The following ATG7 variants were observed in gnomAD, a reference collection of about 807,000 sequenced individuals.
ATG7 encodes autophagy related 7.
Under a neutral mutation model 82.4 loss-of-function variants are expected in ATG7, and 70 were observed. The observed-to-expected ratio is 0.85, with a 90% CI of 0.70 to 1.04. The LOEUF (loss-of-function observed/expected upper bound fraction) is 1.04, where lower values mean the gene tolerates loss of function less well. Ranked by LOEUF, ATG7 falls within the 50% of genes least tolerant of loss-of-function variation. The pLI, the probability that ATG7 is intolerant of heterozygous loss-of-function variation, is 0.00. For missense variants in ATG7, 792 were observed against 864.3 expected, an observed-to-expected ratio of 0.92 and a Z score of 1.05; for synonymous variants, 287 against 313.0, an observed-to-expected ratio of 0.92 and a Z score of 0.88.
chr3:11,480,514 G>A (rs1167980423), intron 20 of ATG7, among the ~76,000 whole-genome samples: 1 of 152,134 alleles, frequency 6.6e-6, no homozygotes, highest in Non-Finnish European at 1.5e-5. Context: ...GCTGTAGTGA[G>A]CCATGATCAC....
intron 20 of ATG7, among the ~76,000 whole-genome samples, chr3:11,471,922 G>A (rs930971602): frequency 6.6e-6 from 1 of 151,722 alleles, no homozygotes; most frequent in South Asian, 2.1e-4. Context: ...ATTTTTAGTA[G>A]AGATGGGGTT....
intron 5 of ATG7, among the ~76,000 whole-genome samples, chr3:11,305,986 A>G (rs113677866): frequency 0.025 from 3,862 of 152,322 alleles, 66 homozygotes; most frequent in Middle Eastern, 0.037. Flanking sequence ...TGAAATGAAT[A>G]TTTTCATTTA....
intron 11 of ATG7, among the ~76,000 whole-genome samples, chr3:11,338,321 G>A (rs1253425617): frequency 6.6e-6 from 1 of 152,150 alleles, no homozygotes; most frequent in Admixed American, 6.5e-5. Flanking sequence ...GTATTTCATG[G>A]TGTGTGTGTA....
rs2594989 is a variant in ATG7 at position 11,274,457 on chromosome 3, C to G, written c.-366+2027C>G. On this transcript the variant is annotated intron_variant, in intron 1 of 20. Transcript: ENST00000693202. ...GCTGCTTTAGCCAAGACCTGAAGGACGAACGAGATCTGACAGGTGAAGAGT... is the reference window on the plus strand; with the variant it reads ...GCTGCTTTAGCCAAGACCTGAAGGAGGAACGAGATCTGACAGGTGAAGAGT... Among the ~76,000 whole-genome samples, 947 of 152,166 alleles carry G rather than the reference C, an allele frequency of 6.2e-3. 7 individuals are homozygous for G. The highest frequency in any genetic ancestry group is 0.022 in the African/African-American group (908 of 41,532).
At chr3:11,500,626 GA>G (rs779834818) in intron 20 of ATG7, among the ~76,000 whole-genome samples, 61 of 152,130 alleles carry the variant, frequency 4.0e-4, no homozygotes, top group Non-Finnish European at 7.6e-4. Context: ...CAGTGCTTAG[GA>G]AAATTCTTCA....
At chr3:11,436,320 C>T (rs1051004789) in intron 20 of ATG7, among the ~76,000 whole-genome samples, 3 of 152,088 alleles carry the variant, frequency 2.0e-5, no homozygotes, top group Non-Finnish European at 4.4e-5. Context: ...TGACAACATC[C>T]AATGTTTATG....
intron 18 of ATG7, 45 bp downstream of exon 18, chr3:11,364,779 G>A: frequency 6.3e-7 from 1 of 1,598,656 alleles, no homozygotes; most frequent in Non-Finnish European, 8.6e-7. Flanking sequence ...GGTACAGGGG[G>A]AAAGCATGTG....
At chr3:11,574,877 T>C in the ATG7 span, among the ~76,000 whole-genome samples, 1 of 145,690 alleles carries the variant, frequency 6.9e-6, no homozygotes, top group African/African-American at 2.5e-5. Flanking sequence ...CCAAATATGG[T>C]TCAGGAAGCC....
intron 6 of ATG7, 91 bp from the exon 7 acceptor site, chr3:11,308,893 G>A (rs1559366453): frequency 8.3e-7 from 1 of 1,199,536 alleles, no homozygotes; most frequent in African/African-American, 1.5e-5. Flanking sequence ...GGAAAGAAGA[G>A]CCTGGTGCTT....
At chr3:11,568,677 G>C in the ATG7 span, 138 of 1,554,470 alleles carry the variant, frequency 8.9e-5, no homozygotes, top group Non-Finnish European at 1.2e-4. The surrounding 1 kb of genome is among the most constrained non-coding windows in gnomAD (Gnocchi z 5.9). Context: ...TCGCCCGGAT[G>C]AATCACCTCC....
At chr3:11,502,899 T>C (rs987409827) in intron 20 of ATG7, among the ~76,000 whole-genome samples, 1 of 152,154 alleles carries the variant, frequency 6.6e-6, no homozygotes, top group Non-Finnish European at 1.5e-5. Context: ...CTTATTCCAT[T>C]TTGGAAACTG....
intron 19 of ATG7, among the ~76,000 whole-genome samples, chr3:11,426,599 A>T (rs1441344038): frequency 6.6e-6 from 1 of 152,204 alleles, no homozygotes; most frequent in East Asian, 1.9e-4. Context: ...TCAAACTGGA[A>T]GATAATGTTA....
At chr3:11,331,254 A>G (rs1951600484) in intron 9 of ATG7, 86 bp from the exon 10 acceptor site, 1 of 1,125,374 alleles carries the variant, frequency 8.9e-7, no homozygotes, top group East Asian at 2.3e-5. Context: ...GAAAGCATAA[A>G]AAAGCAAAGA....
chr3:11,349,591 G>A (rs1032399767), intron 14 of ATG7, among the ~76,000 whole-genome samples: 3 of 152,078 alleles, frequency 2.0e-5, no homozygotes, highest in South Asian at 4.1e-4. Context: ...TTGTGAAAAC[G>A]AAAGGAATGT....
chr3:11,573,329 A>G, the ATG7 span, among the ~76,000 whole-genome samples: 5,337 of 54,690 alleles, frequency 0.098, 520 homozygotes, highest in Admixed American at 0.14. Context: ...GAAAGAAAGA[A>G]AGAAAGAAAG....
intron 9 of ATG7, among the ~76,000 whole-genome samples, chr3:11,315,879 C>T (rs1232707050): frequency 2.6e-5 from 4 of 152,162 alleles, no homozygotes; most frequent in Non-Finnish European, 5.9e-5. Flanking sequence ...GTGCCCGCCA[C>T]CATGCCTGGC....
chr3:11,393,998 C>G (rs2079021249), intron 19 of ATG7, among the ~76,000 whole-genome samples: 1 of 152,094 alleles, frequency 6.6e-6, no homozygotes, highest in Non-Finnish European at 1.5e-5. Flanking sequence ...TAGGCTTTTT[C>G]AAGCTTTTTT....
At chr3:11,569,665 A>T in the ATG7 span, among the ~76,000 whole-genome samples, 1 of 152,324 alleles carries the variant, frequency 6.6e-6, no homozygotes, top group South Asian at 2.1e-4. Flanking sequence ...TTACAGGAGA[A>T]TCCGACATCT....
chr3:11,377,413 CTTCT>C (rs896868275), intron 18 of ATG7, among the ~76,000 whole-genome samples: 1 of 152,128 alleles, frequency 6.6e-6, no homozygotes, highest in African/African-American at 2.4e-5. Context: ...TGCACGGCAT[CTTCT>C]TTTTCTTCTA....
Sources: allele counts gnomAD v4.1 joint callset (sites outside exome capture counted in the v4.1 genomes callset), GRCh38; gene constraint gnomAD v4.1.1; non-coding constraint Gnocchi (gnomAD v3.1); transcripts MANE v1.5; gene names NCBI Gene and HGNC (gene_info 2026-07-23, HGNC 2026-07-21).